Variants in GPR39 observed in about 807,000 individuals in gnomAD.
The protein encoded by GPR39 is zinc sensing receptor.
GPR39 carries 23 observed loss-of-function variants against 18.4 expected under a neutral mutation model. The observed-to-expected ratio is 1.25, with a 90% CI of 0.90 to 1.77. GPR39 has a LOEUF of 1.77. Ranked by LOEUF, GPR39 falls within the 40% of genes most tolerant of loss-of-function variation. The pLI, the probability that GPR39 is intolerant of heterozygous loss-of-function variation, is 0.00. For synonymous variants in GPR39, 280 were observed against 257.9 expected (o/e 1.09, Z -0.82); for missense variants, 647 against 602.4 (o/e 1.07, Z -0.78).
At chr2:132,499,590 T>C (rs1362351741) in intron 1 of GPR39, among the ~76,000 whole-genome samples, 3 of 152,160 alleles carry the variant, frequency 2.0e-5, no homozygotes, top group Non-Finnish European at 2.9e-5. Flanking sequence ...AGGATTGTTT[T>C]TCCTAGTTAA....
intron 1 of GPR39, among the ~76,000 whole-genome samples, chr2:132,465,841 G>C (rs957000209): frequency 9.2e-5 from 14 of 152,170 alleles, no homozygotes; most frequent in African/African-American, 3.4e-4. Context: ...GGTTGTGCAA[G>C]TAAAATGAGG....
At chr2:132,579,104 A>G (rs932534568) in intron 1 of GPR39, among the ~76,000 whole-genome samples, 1 of 150,516 alleles carries the variant, frequency 6.6e-6, no homozygotes. Context: ...TTTCAGTACT[A>G]TAAGTTTTTC....
intron 1 of GPR39, among the ~76,000 whole-genome samples, chr2:132,550,840 T>A (rs928897639): frequency 1.1e-4 from 16 of 152,226 alleles, no homozygotes; most frequent in Admixed American, 7.2e-4. Context: ...ATTTTTATAA[T>A]GCTGATTAAG....
intron 1 of GPR39, among the ~76,000 whole-genome samples, chr2:132,643,750 G>T (rs1444698599): frequency 1.3e-5 from 2 of 152,136 alleles, no homozygotes; most frequent in African/African-American, 2.4e-5. Context: ...AAATTTCTAG[G>T]CTTAAGTGAT....
At chr2:132,634,055 G>A (rs562840230) in intron 1 of GPR39, among the ~76,000 whole-genome samples, 3 of 151,958 alleles carry the variant, frequency 2.0e-5, no homozygotes, top group Non-Finnish European at 2.9e-5. Flanking sequence ...TGATGATGGT[G>A]GGGGTGGCAG....
At chr2:132,440,254 T>C (rs1680409671) in intron 1 of GPR39, among the ~76,000 whole-genome samples, 1 of 152,202 alleles carries the variant, frequency 6.6e-6, no homozygotes, top group Admixed American at 6.5e-5. Flanking sequence ...TTTCTAGCAG[T>C]GGTTAATTGC....
At chr2:132,505,178 G>C (rs143652607) in intron 1 of GPR39, among the ~76,000 whole-genome samples, 2,643 of 152,302 alleles carry the variant, frequency 0.017, 37 homozygotes, top group South Asian at 0.055. Context: ...GCTGAGTTCT[G>C]CAGTAGGACA....
intron 1 of GPR39, among the ~76,000 whole-genome samples, chr2:132,519,683 C>T (rs746874448): frequency 1.3e-5 from 2 of 152,082 alleles, no homozygotes; most frequent in African/African-American, 2.4e-5. Context: ...GAAGAACAGC[C>T]GCTGATATTA....
chr2:132,626,463 A>T (rs189233848), intron 1 of GPR39, among the ~76,000 whole-genome samples: 2 of 152,178 alleles, frequency 1.3e-5, no homozygotes, highest in Non-Finnish European at 2.9e-5. Context: ...CCTGAGTTCT[A>T]CATCCAAAAA....
intron 1 of GPR39, among the ~76,000 whole-genome samples, chr2:132,525,514 G>A (rs759417636): frequency 2.6e-5 from 4 of 152,176 alleles, no homozygotes; most frequent in Non-Finnish European, 4.4e-5. Flanking sequence ...AGTGAATCCC[G>A]GCCTGATTTA....
At chr2:132,633,670 T>G (rs1269120615) in intron 1 of GPR39, among the ~76,000 whole-genome samples, 1 of 151,648 alleles carries the variant, frequency 6.6e-6, no homozygotes, top group Non-Finnish European at 1.5e-5. Context: ...GTACTGATGG[T>G]GGAGGAGGTG....
At chr2:132,632,066 C>T (rs1244023325) in intron 1 of GPR39, among the ~76,000 whole-genome samples, 1 of 152,056 alleles carries the variant, frequency 6.6e-6, no homozygotes, top group African/African-American at 2.4e-5. Context: ...AGCGATCTGC[C>T]CTCGGCCTCC....
rs866762528 is a variant in GPR39, at chr2:132,601,761, T to C, written c.857-43340T>C. Among the ~76,000 whole-genome samples the C allele has an allele frequency of 9.2e-5, 14 of 152,276 alleles. No homozygotes were observed. In the South Asian group the frequency reaches 1.0e-3, roughly 11 times the overall value. On this transcript the variant is annotated intron_variant, in intron 1 of 1. Coordinates refer to ENST00000329321, the MANE Select transcript of GPR39 (RefSeq NM_001508.3). ...AACATGCAAAAATCAGTAGTGTCTT[T>C]ATACACCAATAACGACCTAGCTGAA...
chr2:132,549,381 A>T (rs572555855), intron 1 of GPR39, among the ~76,000 whole-genome samples: 1 of 152,300 alleles, frequency 6.6e-6, no homozygotes, highest in Admixed American at 6.5e-5. Context: ...CACCATATAC[A>T]GGTTTCCTTC....
chr2:132,527,585 C>T (rs146336250), intron 1 of GPR39, among the ~76,000 whole-genome samples: 2,140 of 152,338 alleles, frequency 0.014, 35 homozygotes, highest in South Asian at 0.048. Flanking sequence ...AATTTCTCCA[C>T]AGCATTGCCA....
At position 132,646,153 on chromosome 2, in the gene GPR39, A is replaced by G; in HGVS notation, c.*547A>G. 1 of 1,612,170 alleles carries G rather than the reference A, an allele frequency of 6.2e-7. No homozygotes were observed. The highest frequency in any genetic ancestry group is 8.5e-7 in the Non-Finnish European group (1 of 1,178,868). ...CCCTTTTCTTGGGCCTTGGCCCGTT[A>G]CAAAGAGGGGTGTTGCAGCAGCTGA... On this transcript the variant is annotated 3_prime_UTR_variant, in exon 2 of 2. Transcript: ENST00000329321.
intron 1 of GPR39, among the ~76,000 whole-genome samples, chr2:132,584,694 G>C (rs1185269554): frequency 6.6e-6 from 1 of 152,102 alleles, no homozygotes; most frequent in African/African-American, 2.4e-5. Flanking sequence ...ACTTCTAGAG[G>C]CTTCTAAGAA....
In GPR39 at chr2:132,645,204, G is replaced by A. The variant is rs1420223393; in HGVS notation, c.960G>A (p.Arg320=). ...PKHDWTRSYF[R]AYMILLPFSE... ...ACGACTGGACGAGGTCCTACTTCCG[G>A]GCGTACATGATCCTCCTCCCCTTCT... Residue 320 remains arginine, a synonymous_variant, in exon 2 of 2, where the codon CGG becomes CGA. Coordinates refer to ENST00000329321, the MANE Select transcript of GPR39 (RefSeq NM_001508.3). 1 of 1,614,114 alleles carries A rather than the reference G, an allele frequency of 6.2e-7. No homozygotes were observed.
intron 1 of GPR39, among the ~76,000 whole-genome samples, chr2:132,476,255 G>A (rs979109495): frequency 5.9e-5 from 9 of 152,098 alleles, no homozygotes; most frequent in Admixed American, 3.9e-4. Context: ...ATCTTATACC[G>A]AGGATGTCCT....
Sources: allele counts gnomAD v4.1 joint callset (sites outside exome capture counted in the v4.1 genomes callset), GRCh38; gene constraint gnomAD v4.1.1; transcripts MANE v1.5; gene names NCBI Gene and HGNC (gene_info 2026-07-23, HGNC 2026-07-21).